TRPV3: variants seen among roughly 807,000 people sequenced by gnomAD.
TRPV3 encodes the protein transient receptor potential cation channel subfamily V member 3, also known as VRL-3.
A neutral mutation model predicts 87.1 loss-of-function variants in TRPV3; 88 were observed. The observed-to-expected ratio is 1.01, with a 90% CI of 0.85 to 1.21. The LOEUF is 1.21. TRPV3 is among the 50% of genes most tolerant of loss of function. TRPV3 has a pLI of 0.00. For synonymous variants in TRPV3, 438 were observed against 423.3 expected, an observed-to-expected ratio of 1.03 and a Z score of -0.43; for missense variants, 1,054 against 1,030.1, an observed-to-expected ratio of 1.02 and a Z score of -0.32.
chr17:3,535,569 C>A lies in TRPV3; in HGVS notation c.784+4G>T. On this transcript the variant is annotated splice_donor_region_variant and intron_variant, in intron 7 of 17. Transcript: ENST00000576742. ...ACTCCGCACCGGGCGGGGGCGGCAC[C>A]CACCGAAGTAGAAGCCTTCGTGTTG... is the stretch of plus-strand genomic sequence containing the variant. 6.3e-7 allele frequency: 1 copy of A among 1,593,840 alleles called. No individual in the cohort carries two copies. Among genetic ancestry groups the A allele is most frequent in the South Asian group, 1.1e-5 (1 of 88,710 alleles).
rs2074638400 is a variant in TRPV3, at chr17:3,556,902, GGC to G, written c.-3+772_-3+773del. 6.6e-6 allele frequency among the ~76,000 whole-genome samples: 1 copy of G among 152,168 alleles called. No individual in the cohort carries two copies. The highest frequency in any genetic ancestry group is 2.4e-5 in the African/African-American group (1 of 41,428). On this transcript the variant is annotated intron_variant, in intron 1 of 17. Transcript: ENST00000576742. The surrounding 1 kb of genome is among the most constrained non-coding windows in gnomAD (Gnocchi z 4.2). ...CCGAGCGTGAAGGAGACAGAAGAAG[GGC>G]ACGTCTCTTGCCCCTCCCAGGGCCT...
chr17:3,514,213 G>T, intron 17 of TRPV3: 1 of 510,302 alleles, frequency 2.0e-6, no homozygotes, highest in Non-Finnish European at 3.5e-6. Context: ...CGAGTAGCTG[G>T]GATTATAGGC....
In TRPV3 at chr17:3,530,147, G is replaced by A; in HGVS notation, c.1122C>T (p.Ser374=). 4 of 1,614,086 alleles carry A rather than the reference G, an allele frequency of 2.5e-6. No individual in the cohort carries two copies. The highest frequency in any genetic ancestry group is 3.4e-6 in the Non-Finnish European group (4 of 1,179,966). The change falls in exon 9 of 18, where the codon TCC becomes TCT. Residue 374 remains serine, a synonymous_variant. Coordinates refer to ENST00000576742, the MANE Select transcript of TRPV3 (RefSeq NM_145068.4). The surrounding 1 kb of genome is among the most constrained non-coding windows in gnomAD (Gnocchi z 4.0). ...EIKEKRLRSL[S]RKFTDWAYGP... ...CGTACGCCCAGTCGGTGAACTTCCT[G>A]GACAGGCTCCGGAGCCGCTTCTCCT... is the stretch of plus-strand genomic sequence containing the variant.
In TRPV3 at chr17:3,524,841, C is replaced by G. The variant is rs571899083; in HGVS notation, c.1578-478G>C. On this transcript the variant is annotated intron_variant, in intron 12 of 17. Coordinates refer to ENST00000576742, the MANE Select transcript of TRPV3 (RefSeq NM_145068.4). Reference sequence around the variant, plus strand: ...AAAAAAAAAAGAAAAGAAAAATAATCTAAATCACCCACATAATTTCTGACT... The same window carrying G: ...AAAAAAAAAAGAAAAGAAAAATAATGTAAATCACCCACATAATTTCTGACT... 6.6e-5 allele frequency among the ~76,000 whole-genome samples: 10 copies of G among 150,770 alleles called. No homozygotes were observed. In the South Asian group the frequency reaches 2.1e-3, roughly 32 times the overall value.
Position 3,518,936 on chromosome 17 carries a change from C to G in TRPV3, c.1811-86G>C, listed in dbSNP as rs1254981105. On this transcript the variant is annotated intron_variant, in intron 14 of 17. Transcript: ENST00000576742. The surrounding 1 kb of genome is among the most constrained non-coding windows in gnomAD (Gnocchi z 4.3). ...TGCGTGTATTTGCCTACATGACAAGCCTGCTGCCTCCTTCTCTCTGGCCAT... is the reference window on the plus strand; with the variant it reads ...TGCGTGTATTTGCCTACATGACAAGGCTGCTGCCTCCTTCTCTCTGGCCAT... The G allele has an allele frequency of 2.2e-6, 3 of 1,383,498 alleles. No homozygotes were observed. The highest frequency in any genetic ancestry group is 2.9e-6 in the Non-Finnish European group (3 of 1,022,318). 85.7% of individuals were successfully genotyped at this position (1,383,498 alleles called of 1,614,324 possible). A position where few individuals can be genotyped will look rare whatever the true frequency, so the allele number is the denominator to read the frequency against.
At position 3,518,777 on chromosome 17, in the gene TRPV3, T is replaced by G. The variant is rs568212242; in HGVS notation, c.1884A>C (p.Ala628=). ...DCSSYGSFSD[A]VLELFKLTIG... ...TGGTGAGCTTGAAGAGTTCCAGCAC[T>G]GCGTCGCTGAAGCTGCCGTAGGAGC... is the stretch of plus-strand genomic sequence containing the variant. Residue 628 remains alanine, a synonymous_variant, in exon 15 of 18, where the codon GCA becomes GCC. Transcript: ENST00000576742. This position sits in a 1 kb window ranked among gnomAD's most constrained non-coding sequence, Gnocchi z 4.3. 3.1e-6 allele frequency: 5 copies of G among 1,614,010 alleles called. No homozygotes were observed. The highest frequency in any genetic ancestry group is 4.2e-6 in the Non-Finnish European group (5 of 1,180,010).
Position 3,557,482 on chromosome 17 carries a change from A to C in TRPV3, c.-3+194T>G, listed in dbSNP as rs1166564082. On this transcript the variant is annotated intron_variant, in intron 1 of 17. Transcript: ENST00000576742. The surrounding 1 kb of genome is among the most constrained non-coding windows in gnomAD (Gnocchi z 4.5). ...GACCTATATTCTCACACATCCCTAC[A>C]GCCAAGAGTGCAGCCAAGAGTGCCT... Among the ~76,000 whole-genome samples the C allele has an allele frequency of 6.6e-6, 1 of 152,144 alleles. No individual in the cohort carries two copies. Among genetic ancestry groups the C allele is most frequent in the African/African-American group, 2.4e-5 (1 of 41,436 alleles).
chr17:3,523,682 T>C (rs114317827), intron 13 of TRPV3, among the ~76,000 whole-genome samples: 7,514 of 148,498 alleles, frequency 0.051, 628 homozygotes, highest in African/African-American at 0.17. Context: ...CGCACCACTT[T>C]ACTCTGGCCT....
chr17:3,535,175 TCCTCCTCCCTTCCTCCCTCTC>T (rs1479202954), intron 7 of TRPV3, among the ~76,000 whole-genome samples: 1 of 111,012 alleles, frequency 9.0e-6, no homozygotes, highest in East Asian at 3.1e-4. Context: ...CCGCCCTCCT[TCCTCCTCCCTTCCTCCCTCTC>T]CCTCCTCCTT....
intron 12 of TRPV3, among the ~76,000 whole-genome samples, chr17:3,526,526 G>C (rs9899260): frequency 0.09 from 13,660 of 151,630 alleles, 1,704 homozygotes; most frequent in African/African-American, 0.27. Context: ...TAAGCCTGTT[G>C]CCGCCTTCTC....
At chr17:3,546,973 A>AG (rs2074532885) in intron 2 of TRPV3, among the ~76,000 whole-genome samples, 1 of 151,870 alleles carries the variant, frequency 6.6e-6, no homozygotes, top group Non-Finnish European at 1.5e-5. Flanking sequence ...TTCTCAAAAA[A>AG]AAAAAACTGG....
intron 13 of TRPV3, among the ~76,000 whole-genome samples, chr17:3,521,313 C>T (rs999511574): frequency 6.6e-6 from 1 of 152,208 alleles, no homozygotes; most frequent in Non-Finnish European, 1.5e-5. Flanking sequence ...CACTGGAATC[C>T]TCACACTTGC....
In TRPV3 at chr17:3,544,672, G is replaced by A; in HGVS notation, c.225-7C>T. ...ATCACAGTTACCAGAGATGCTGGAG[G>A]TGTTGGCAGGGGGAACAGAGAGGGT... On this transcript the variant is annotated splice_region_variant and splice_polypyrimidine_tract_variant and intron_variant, in intron 3 of 17. Coordinates refer to ENST00000576742, the MANE Select transcript of TRPV3 (RefSeq NM_145068.4). The A allele has an allele frequency of 6.2e-7, 1 of 1,604,422 alleles. No homozygotes were observed. The highest frequency in any genetic ancestry group is 1.1e-5 in the South Asian group (1 of 90,424).
intron 5 of TRPV3, 144 bp downstream of exon 5, chr17:3,543,330 T>G: frequency 9.3e-7 from 1 of 1,077,806 alleles, no homozygotes; most frequent in Non-Finnish European, 1.3e-6. Context: ...CCCATTCTCC[T>G]CGGAGTCAAG....
intron 6 of TRPV3, among the ~76,000 whole-genome samples, chr17:3,538,848 G>T (rs1451513177): frequency 6.6e-6 from 1 of 152,220 alleles, no homozygotes; most frequent in Non-Finnish European, 1.5e-5. Context: ...GCCTCCCAAA[G>T]TGCTGGGATT....
Position 3,532,719 on chromosome 17 carries a change from T to C in TRPV3, c.1003A>G (p.Thr335Ala). The C allele has an allele frequency of 6.2e-7, 1 of 1,614,264 alleles. No homozygotes were observed. The highest frequency in any genetic ancestry group is 2.2e-5 in the East Asian group (1 of 44,884). The stretch of plus-strand genomic sequence containing the variant: ...GTGAGGCCATCGTTGTTGCGAGTGG[T>C]CTCCAGCTCCCAGTTGCCACTCCGC... ...LLRSGNWELE[T>A]TRNNDGLTPL... Residue 335 changes from threonine to alanine, a missense_variant, in exon 8 of 18, where the codon ACC (threonine) becomes GCC (alanine). Thr to Ala is a moderately conservative substitution (Grantham distance 58). Transcript: ENST00000576742.
At chr17:3,517,804 G>C (rs1030412241) in intron 15 of TRPV3, among the ~76,000 whole-genome samples, 1 of 113,666 alleles carries the variant, frequency 8.8e-6, no homozygotes, top group Non-Finnish European at 1.8e-5. Context: ...TTTCCAATGA[G>C]CATTTCTTTT....
rs4790505 is a variant in TRPV3 at position 3,511,802 on chromosome 17, C to T, written c.*2115G>A. Reference sequence around the variant, plus strand: ...ATCCGAGTCAAAGCAACTCTGGATACGGCTTTATCCATAACAGATACGGCT... The same window carrying T: ...ATCCGAGTCAAAGCAACTCTGGATATGGCTTTATCCATAACAGATACGGCT... On this transcript the variant is annotated 3_prime_UTR_variant, in exon 18 of 18. Transcript: ENST00000576742. 144,155 of 152,296 alleles carry T rather than the reference C, an allele frequency of 0.95. 68,715 individuals are homozygous for T. The highest frequency in any genetic ancestry group is 1 in the East Asian group (5,182 of 5,182). The allele number at this position is 152,296 out of a possible 1,614,324, so 9.4% of individuals were successfully genotyped here. A position where few individuals can be genotyped will look rare whatever the true frequency, so the allele number is the denominator to read the frequency against.
chr17:3,540,479 AG>A (rs1487736065), intron 6 of TRPV3, among the ~76,000 whole-genome samples: 2 of 152,198 alleles, frequency 1.3e-5, no homozygotes, highest in Non-Finnish European at 2.9e-5. Context: ...GGCTAAGAAC[AG>A]GGAGAGGTAA....
Sources: gnomAD v4.1 joint callset for allele counts (sites outside exome capture counted in the v4.1 genomes callset) on GRCh38, gnomAD v4.1.1 for gene constraint, Gnocchi (gnomAD v3.1) non-coding constraint, MANE v1.5 for transcripts, NCBI Gene and HGNC (gene_info 2026-07-23, HGNC 2026-07-21) for gene names.